ZNF516: variants seen among roughly 807,000 people sequenced by gnomAD.
ZNF516 encodes zinc finger protein 516.
Under a neutral mutation model 79.7 loss-of-function variants are expected in ZNF516, and 19 were observed. That is an observed-to-expected ratio of 0.24 (90% CI 0.17 to 0.35). ZNF516 has a LOEUF of 0.35. Among genes scored for constraint, ZNF516 ranks in the 10% least tolerant of loss-of-function variants. The pLI is 1.00. For synonymous variants in ZNF516, 877 were observed against 739.5 expected, an observed-to-expected ratio of 1.19 and a Z score of -3.02; for missense variants, 1,678 against 1,679.5, an observed-to-expected ratio of 1.00 and a Z score of 0.02.
Position 76,380,293 on chromosome 18 carries a change from C to T in ZNF516, c.1821G>A (p.Pro607=), listed in dbSNP as rs533522002. ...GAPEPAPGGQ[P]RRCCFSEEVT... is the part of the protein sequence containing the mutation. ...CCTCTTCGGAAAAGCAGCAGCGGCG[C>T]GGCTGTCCCCCTAGAGGAGGCAAAA... Residue 607 remains proline, a synonymous_variant, in exon 4 of 7, where the codon CCG becomes CCA. Transcript: ENST00000443185. 37 of 1,613,218 alleles carry T rather than the reference C, an allele frequency of 2.3e-5. 1 individual carries two copies. Among genetic ancestry groups the T allele is most frequent in the South Asian group, 1.3e-4 (12 of 91,066 alleles).
rs1005815916 is a variant in ZNF516 at position 76,487,547 on chromosome 18, C to T, written c.-272+7597G>A. On this transcript the variant is annotated intron_variant, in intron 1 of 6. Coordinates refer to ENST00000443185, the MANE Select transcript of ZNF516 (RefSeq NM_014643.4). Reference sequence around the variant, plus strand: ...TTCTAAAGTCATAGTAAAAGTTGTTCTTTCTTCCTCCTCCTCCCATAAGGT... The same window carrying T: ...TTCTAAAGTCATAGTAAAAGTTGTTTTTTCTTCCTCCTCCTCCCATAAGGT... Among the ~76,000 whole-genome samples the T allele has an allele frequency of 2.0e-5, 3 of 151,624 alleles. No homozygotes were observed. In the South Asian group the frequency reaches 6.2e-4, roughly 31 times the overall value.
At chr18:76,385,659 C>T (rs1471744529) in intron 3 of ZNF516, 3 of 152,186 alleles carry the variant, frequency 2.0e-5, no homozygotes, top group Non-Finnish European at 4.4e-5. Context: ...AAACAGGACC[C>T]CAGGAGCGCC....
chr18:76,465,575 A>G (rs550460035), intron 1 of ZNF516, among the ~76,000 whole-genome samples: 1 of 152,226 alleles, frequency 6.6e-6, no homozygotes, highest in Non-Finnish European at 1.5e-5. Flanking sequence ...AGACAAAGGC[A>G]GGGCTGGAAA....
At chr18:76,492,250 G>C in intron 1 of ZNF516, 1 of 985,480 alleles carries the variant, frequency 1.0e-6, no homozygotes, top group Non-Finnish European at 1.2e-6. Flanking sequence ...GCTCGGCTCA[G>C]GTCGGGTCCG....
At chr18:76,404,699 G>T (rs1309918004) in intron 3 of ZNF516, among the ~76,000 whole-genome samples, 4 of 151,674 alleles carry the variant, frequency 2.6e-5, no homozygotes, top group Non-Finnish European at 4.4e-5. Context: ...ATGAGTGTGA[G>T]CATGAGCATA....
At chr18:76,445,688 C>A (rs1420794181) in intron 2 of ZNF516, among the ~76,000 whole-genome samples, 7 of 152,196 alleles carry the variant, frequency 4.6e-5, no homozygotes, top group Non-Finnish European at 1.5e-5. Context: ...CAACGTTTGT[C>A]TATAAAGGAT....
chr18:76,477,483 A>G (rs1914241152), intron 1 of ZNF516, among the ~76,000 whole-genome samples: 1 of 152,182 alleles, frequency 6.6e-6, no homozygotes, highest in Non-Finnish European at 1.5e-5. Context: ...GACAAAACTG[A>G]GTTGGACAGC....
chr18:76,413,592 C>A (rs1014734402), intron 3 of ZNF516, among the ~76,000 whole-genome samples: 2 of 152,114 alleles, frequency 1.3e-5, no homozygotes, highest in Admixed American at 6.5e-5. Context: ...ATGACTGGTT[C>A]AATTTCATCC....
At chr18:76,429,684 G>A (rs1050192972) in intron 3 of ZNF516, among the ~76,000 whole-genome samples, 2 of 152,164 alleles carry the variant, frequency 1.3e-5, no homozygotes, top group African/African-American at 4.8e-5. Flanking sequence ...ACCACCAGCA[G>A]CAGCATCCCC....
At chr18:76,363,529 T>C (rs1453395376) in intron 6 of ZNF516, among the ~76,000 whole-genome samples, 1 of 152,202 alleles carries the variant, frequency 6.6e-6, no homozygotes, top group African/African-American at 2.4e-5. Flanking sequence ...AGAAAGATAC[T>C]GGACAAAATT....
In ZNF516 at chr18:76,423,952, G is replaced by A. The variant is rs369742130; in HGVS notation, c.1810+17293C>T. ...CACATGCAGGTGAAAAGGCTCCCCC[G>A]AAACACACGCAGGTGAAAAGGCTCC... On this transcript the variant is annotated intron_variant, in intron 3 of 6. Coordinates refer to ENST00000443185, the MANE Select transcript of ZNF516 (RefSeq NM_014643.4). Among the ~76,000 whole-genome samples the A allele has an allele frequency of 5.6e-4, 66 of 117,948 alleles. No homozygotes were observed. In the South Asian group the frequency reaches 0.017, roughly 30 times the overall value. The allele number at this position is 117,948 out of a possible 152,430, so 77.4% of individuals were successfully genotyped here.
At position 76,380,269 on chromosome 18, in the gene ZNF516, C is replaced by G. The variant is rs377420419; in HGVS notation, c.1845G>C (p.Glu615Asp). 5.0e-6 allele frequency: 8 copies of G among 1,613,664 alleles called. No homozygotes were observed. The highest frequency in any genetic ancestry group is 2.7e-5 in the African/African-American group (2 of 74,900). The change falls in exon 4 of 7, where the codon GAG becomes GAC. Residue 615 changes from glutamate to aspartate, a missense_variant. Transcript: ENST00000443185. ...GQPRRCCFSE[E>D]VTSTELSSGD... Reference sequence around the variant, plus strand: ...CACTGGAGAGCTCGGTCGAAGTCACCTCTTCGGAAAAGCAGCAGCGGCGCG... The same window carrying G: ...CACTGGAGAGCTCGGTCGAAGTCACGTCTTCGGAAAAGCAGCAGCGGCGCG...
rs994714703 is a variant in ZNF516 at position 76,467,372 on chromosome 18, C to T, written c.-271-4231G>A. ...GTCTCTCGGAACCTGCAGCTCACAG[C>T]CCCTCTGGGCTGGCAGGAAGTCCTG... On this transcript the variant is annotated intron_variant, in intron 1 of 6. Transcript: ENST00000443185. This position sits in a 1 kb window ranked among gnomAD's most constrained non-coding sequence, Gnocchi z 4.2. Among the ~76,000 whole-genome samples, 6 of 151,216 alleles carry T rather than the reference C, an allele frequency of 4.0e-5. No homozygotes were observed. Among genetic ancestry groups the T allele is most frequent in the African/African-American group, 1.5e-4 (6 of 40,968 alleles).
intron 3 of ZNF516, among the ~76,000 whole-genome samples, chr18:76,421,379 T>C (rs2075505306): frequency 6.6e-6 from 1 of 152,190 alleles, no homozygotes; most frequent in South Asian, 2.1e-4. Flanking sequence ...GTGCTGGCAG[T>C]TGCTCCAGGG....
chr18:76,491,464 T>C (rs1368033588), intron 1 of ZNF516, among the ~76,000 whole-genome samples: 3 of 128,488 alleles, frequency 2.3e-5, no homozygotes, highest in African/African-American at 8.3e-5. Context: ...TTTGTTATGG[T>C]GCGAAGTTGG....
chr18:76,429,383 G>A (rs146257298), intron 3 of ZNF516, among the ~76,000 whole-genome samples: 24 of 152,316 alleles, frequency 1.6e-4, no homozygotes, highest in Non-Finnish European at 2.9e-4. Flanking sequence ...ACCTAGAGCC[G>A]TGGCCTCCAG....
intron 3 of ZNF516, among the ~76,000 whole-genome samples, chr18:76,426,842 G>A (rs984449952): frequency 6.6e-6 from 1 of 152,218 alleles, no homozygotes; most frequent in Non-Finnish European, 1.5e-5. Context: ...CAATCCTCCA[G>A]GGCCTCAGTG....
At chr18:76,478,502 ATC>A (rs1401931078) in intron 1 of ZNF516, among the ~76,000 whole-genome samples, 15 of 152,238 alleles carry the variant, frequency 9.9e-5, no homozygotes, top group Non-Finnish European at 1.5e-4. Context: ...TATCACAATT[ATC>A]TCTTTTCTAA....
chr18:76,392,442 G>A (rs1367146965), intron 3 of ZNF516, among the ~76,000 whole-genome samples: 2 of 152,120 alleles, frequency 1.3e-5, no homozygotes, highest in South Asian at 2.1e-4. Flanking sequence ...GCGCAGCCTG[G>A]GAAGCCCTTT....
Sources: gnomAD v4.1 joint callset for allele counts (sites outside exome capture counted in the v4.1 genomes callset) on GRCh38, gnomAD v4.1.1 for gene constraint, Gnocchi (gnomAD v3.1) non-coding constraint, MANE v1.5 for transcripts, NCBI Gene and HGNC (gene_info 2026-07-23, HGNC 2026-07-21) for gene names.